Variants in DDX52 observed in about 807,000 individuals in gnomAD.
The protein encoded by DDX52 is probable ATP-dependent RNA helicase DDX52.
In DDX52, 59 loss-of-function variants were observed where a neutral mutation model predicts 76.1. The observed-to-expected ratio is 0.78, with a 90% CI of 0.63 to 0.96. DDX52 has a LOEUF of 0.96. Ranked by LOEUF, DDX52 falls within the 40% of genes least tolerant of loss-of-function variation. The pLI is 0.00. For synonymous variants in DDX52, 231 were observed against 244.1 expected, an observed-to-expected ratio of 0.95 and a Z score of 0.50; for missense variants, 707 against 703.9, an observed-to-expected ratio of 1.00 and a Z score of -0.05.
At chr17:37,619,161 T>C (rs1405179057) in intron 13 of DDX52, among the ~76,000 whole-genome samples, 1 of 152,050 alleles carries the variant, frequency 6.6e-6, no homozygotes, top group African/African-American at 2.4e-5. Context: ...GGCAGATCAC[T>C]TGAGGTCAGG....
chr17:37,621,227 A>C lies in DDX52; in HGVS notation c.1401T>G (p.Ile467Met), dbSNP rs61756268. 2.5e-5 allele frequency: 40 copies of C among 1,613,824 alleles called. No individual in the cohort carries two copies. The highest frequency in any genetic ancestry group is 3.1e-5 in the Non-Finnish European group (37 of 1,179,950). ...TCCCTCTTGCTAGCAAGGCTGTACA[A>C]ATCAGAACCCAGATTTTTCCTGCTC... ...SFRAGKIWVL[I>M]CTALLARGID... Residue 467 changes from isoleucine (I) to methionine (M), a missense_variant, in exon 11 of 15, where the codon ATT becomes ATG. Coordinates refer to ENST00000617633, the MANE Select transcript of DDX52 (RefSeq NM_007010.5).
At chr17:37,617,809 G>A (rs56940879) in intron 14 of DDX52, among the ~76,000 whole-genome samples, 23,674 of 152,148 alleles carry the variant, frequency 0.16, 2,048 homozygotes, top group Middle Eastern at 0.27. Flanking sequence ...CAACATATTG[G>A]TACAGAAAAA....
intron 4 of DDX52, chr17:37,630,784 G>A (rs936394909): frequency 6.6e-6 from 1 of 152,340 alleles, no homozygotes; most frequent in Admixed American, 6.6e-5. Flanking sequence ...TGGGATTACA[G>A]GCACACGCCA....
chr17:37,618,407 G>A (rs2029908401), intron 13 of DDX52, 23 bp from the exon 14 acceptor site: 1 of 1,554,216 alleles, frequency 6.4e-7, no homozygotes, highest in Non-Finnish European at 8.7e-7. Flanking sequence ...AAGTAAAAAA[G>A]GAAAAGAATT....
At chr17:37,619,902 A>G (rs1237227659) in intron 12 of DDX52, 63 bp from the exon 13 acceptor site, 2 of 1,526,090 alleles carry the variant, frequency 1.3e-6, no homozygotes, top group African/African-American at 2.8e-5. Context: ...ATGAATGTAA[A>G]CCCTCTGCAC....
intron 13 of DDX52, 64 bp downstream of exon 13, chr17:37,619,704 A>C: frequency 7.0e-7 from 1 of 1,419,106 alleles, no homozygotes; most frequent in Admixed American, 2.2e-5. Context: ...AGAGCAAGAA[A>C]AAAAAAAAAA....
chr17:37,618,529 T>C, intron 13 of DDX52, 145 bp from the exon 14 acceptor site: 1 of 597,790 alleles, frequency 1.7e-6, no homozygotes, highest in Non-Finnish European at 2.7e-6. Context: ...TTGCCCAGGC[T>C]GGAGTGCAAT....
rs998266429 is a variant in DDX52 at position 37,642,103 on chromosome 17, C to T, written c.286+7G>A. The T allele has an allele frequency of 5.6e-6, 9 of 1,611,182 alleles. No homozygotes were observed. The highest frequency in any genetic ancestry group is 4.0e-5 in the African/African-American group (3 of 74,546). The stretch of plus-strand genomic sequence containing the variant: ...GAGAAAAAACATGACAGAAATCAAA[C>T]ACTAACCTGAAGTCATCGTCTTCCT... On this transcript the variant is annotated splice_region_variant and intron_variant, in intron 2 of 14. Coordinates refer to ENST00000617633, the MANE Select transcript of DDX52 (RefSeq NM_007010.5).
At chr17:37,641,034 CAA>C (rs2031170123) in intron 2 of DDX52, among the ~76,000 whole-genome samples, 1 of 151,802 alleles carries the variant, frequency 6.6e-6, no homozygotes, top group East Asian at 1.9e-4. Context: ...TCAAAATGGG[CAA>C]AGAGTAAGAA....
In DDX52 at chr17:37,625,904, ATGG is replaced by A. The variant is rs1305955876; in HGVS notation, c.1124_1126del (p.Ser375_Ile376delinsPhe). 6.2e-7 allele frequency: 1 copy of A among 1,613,932 alleles called. No homozygotes were observed. The highest frequency in any genetic ancestry group is 2.2e-5 in the East Asian group (1 of 44,894). On this transcript the variant is annotated inframe_deletion, in exon 8 of 15. Transcript: ENST00000617633. ...AGAAACAATTAAATACCTTGCTCCA[ATGG>A]ACACACTGATGACATTGTCCAGGTT...
At chr17:37,635,294 C>T (rs1232659334) in intron 2 of DDX52, among the ~76,000 whole-genome samples, 8 of 152,124 alleles carry the variant, frequency 5.3e-5, no homozygotes, top group Non-Finnish European at 1.5e-5. Context: ...TTTGACATAT[C>T]TACACACCCA....
chr17:37,635,373 C>T (rs1048719918), intron 2 of DDX52, among the ~76,000 whole-genome samples: 1 of 152,136 alleles, frequency 6.6e-6, no homozygotes, highest in African/African-American at 2.4e-5. Context: ...CCTTATAATC[C>T]ATCACTCCAT....
chr17:37,631,714 G>T lies in DDX52; in HGVS notation c.603+399C>A, dbSNP rs112987973. On this transcript the variant is annotated intron_variant, in intron 4 of 14. Coordinates refer to ENST00000617633, the MANE Select transcript of DDX52 (RefSeq NM_007010.5). ...TTTGTATTTCTGGAGTAGTTCCTGGGCATTATAAACTAAATAATGAATGTA... is the reference window on the plus strand; with the variant it reads ...TTTGTATTTCTGGAGTAGTTCCTGGTCATTATAAACTAAATAATGAATGTA... 1,032 of 172,568 alleles carry T rather than the reference G, an allele frequency of 6.0e-3. 9 individuals carry two copies. Among genetic ancestry groups the T allele is most frequent in the Middle Eastern group, 0.036 (13 of 358 alleles). The allele number at this position is 172,568 out of a possible 1,614,324, so 10.7% of individuals were successfully genotyped here. A position where few individuals can be genotyped will look rare whatever the true frequency, so the allele number is the denominator to read the frequency against.
intron 14 of DDX52, 56 bp downstream of exon 14, chr17:37,618,236 G>A: frequency 2.2e-6 from 3 of 1,345,248 alleles, no homozygotes; most frequent in South Asian, 2.7e-5. Flanking sequence ...GAAAAATAAT[G>A]CCTACTATAA....
intron 12 of DDX52, chr17:37,620,052 T>A: frequency 6.5e-6 from 3 of 460,670 alleles, no homozygotes; most frequent in Non-Finnish European, 1.2e-5. Flanking sequence ...TGAATAACTA[T>A]AGATAGCAGC....
intron 2 of DDX52, among the ~76,000 whole-genome samples, chr17:37,636,360 T>G (rs998326561): frequency 1.3e-5 from 2 of 152,200 alleles, no homozygotes; most frequent in East Asian, 3.8e-4. Flanking sequence ...ATTACCTTAT[T>G]ACCTCTGTTG....
chr17:37,621,108 G>C lies in DDX52; in HGVS notation c.1501+19C>G, dbSNP rs1333687530. 3.5e-5 allele frequency: 56 copies of C among 1,593,992 alleles called. No homozygotes were observed. The Admixed American group carries it at 1.0e-3, about 29-fold the overall frequency. ...AGATCAGTGGGTGACAGAGGGGAAG[G>C]AAAAAAAAGACAACTCACCTATCCT... On this transcript the variant is annotated intron_variant, in intron 11 of 14. Transcript: ENST00000617633.
rs780614437 is a variant in DDX52 at position 37,630,185 on chromosome 17, G to C, written c.604-12C>G. On this transcript the variant is annotated splice_polypyrimidine_tract_variant and intron_variant, in intron 4 of 14. Transcript: ENST00000617633. Reference sequence around the variant, plus strand: ...AGAAGTTCCCGACCCTAAAAACATAGGGTATATTAAATACTACAAAGAAAG... The same window carrying C: ...AGAAGTTCCCGACCCTAAAAACATACGGTATATTAAATACTACAAAGAAAG... 1.9e-6 allele frequency: 3 copies of C among 1,596,272 alleles called. No individual in the cohort carries two copies. The highest frequency in any genetic ancestry group is 3.7e-5 in the Admixed American group (2 of 54,782).
At chr17:37,633,940 C>CT (rs557054736) in intron 2 of DDX52, among the ~76,000 whole-genome samples, 6,056 of 129,980 alleles carry the variant, frequency 0.047, 429 homozygotes, top group African/African-American at 0.15. Context: ...AATTTCTTTC[C>CT]TTTTTTTTTT....
Sources: allele counts gnomAD v4.1 joint callset (sites outside exome capture counted in the v4.1 genomes callset), GRCh38; gene constraint gnomAD v4.1.1; transcripts MANE v1.5; gene names NCBI Gene and HGNC (gene_info 2026-07-23, HGNC 2026-07-21).